NCKAP5: variants seen among roughly 807,000 people sequenced by gnomAD.
The protein encoded by NCKAP5 is NCK associated protein 5.
Under a neutral mutation model 167.0 loss-of-function variants are expected in NCKAP5, and 92 were observed. That is an observed-to-expected ratio of 0.55 (90% CI 0.47 to 0.66). NCKAP5 has a LOEUF of 0.66. Among genes scored for constraint, NCKAP5 ranks in the 30% least tolerant of loss-of-function variants. The probability of loss-of-function intolerance (pLI) is 0.00; values close to 1 mark genes in which losing one functional copy is unlikely to be tolerated. For missense variants in NCKAP5, 2,378 were observed against 2,315.0 expected, an observed-to-expected ratio of 1.03 and a Z score of -0.56; for synonymous variants, 891 against 877.4, an observed-to-expected ratio of 1.02 and a Z score of -0.27.
At chr2:132,763,025 T>C (rs1353026316) in intron 16 of NCKAP5, among the ~76,000 whole-genome samples, 1 of 152,240 alleles carries the variant, frequency 6.6e-6, no homozygotes, top group African/African-American at 2.4e-5. Flanking sequence ...ATTCTATTTA[T>C]CACAGCACAC....
chr2:133,319,166 C>T (rs1281802963), intron 3 of NCKAP5, among the ~76,000 whole-genome samples: 2 of 139,828 alleles, frequency 1.4e-5, no homozygotes, highest in African/African-American at 5.3e-5. Flanking sequence ...CGCCCCCTTC[C>T]ACCCCCTGCA....
intron 1 of NCKAP5, among the ~76,000 whole-genome samples, chr2:133,559,443 T>C (rs1688004021): frequency 6.6e-6 from 1 of 152,196 alleles, no homozygotes. Flanking sequence ...CTCAGCTTCC[T>C]GAGTAGCTGA....
chr2:133,663,033 G>A, the NCKAP5 span, among the ~76,000 whole-genome samples: 4 of 152,114 alleles, frequency 2.6e-5, no homozygotes, highest in South Asian at 6.2e-4. Context: ...TTGGGAGGCC[G>A]AGGCGGGTGG....
intron 8 of NCKAP5, among the ~76,000 whole-genome samples, chr2:132,926,001 A>C (rs1695853436): frequency 6.6e-6 from 1 of 152,176 alleles, no homozygotes. Context: ...TGTACATTGT[A>C]TCCATTATGT....
chr2:133,481,043 A>C (rs1235474916), intron 3 of NCKAP5, among the ~76,000 whole-genome samples: 1 of 152,168 alleles, frequency 6.6e-6, no homozygotes, highest in Non-Finnish European at 1.5e-5. Context: ...TTTCAAATAG[A>C]CCTATATCAT....
At chr2:132,738,861 G>A (rs1691767655) in intron 16 of NCKAP5, among the ~76,000 whole-genome samples, 1 of 151,818 alleles carries the variant, frequency 6.6e-6, no homozygotes, top group South Asian at 2.1e-4. Flanking sequence ...AATACAGTGA[G>A]ATCTCACACA....
chr2:132,874,992 G>C (rs527353569), intron 9 of NCKAP5, among the ~76,000 whole-genome samples: 261 of 152,168 alleles, frequency 1.7e-3, no homozygotes, highest in Non-Finnish European at 2.8e-3. Flanking sequence ...CTTCCACATG[G>C]GTCTGTGCTC....
chr2:133,239,566 C>A (rs774163410), intron 4 of NCKAP5, among the ~76,000 whole-genome samples: 3 of 152,076 alleles, frequency 2.0e-5, no homozygotes, highest in Non-Finnish European at 2.9e-5. Flanking sequence ...TTTGACTGTA[C>A]CAGCTAGATT....
intron 3 of NCKAP5, among the ~76,000 whole-genome samples, chr2:133,360,193 A>G (rs1463370776): frequency 6.6e-6 from 1 of 152,174 alleles, no homozygotes; most frequent in East Asian, 1.9e-4. Flanking sequence ...TTCCCAATTC[A>G]AGTAGGTAGA....
chr2:133,275,883 C>T (rs1332416793), intron 4 of NCKAP5, among the ~76,000 whole-genome samples: 1 of 151,754 alleles, frequency 6.6e-6, no homozygotes, highest in Non-Finnish European at 1.5e-5. Flanking sequence ...CACCAATAAA[C>T]AGTTGACCCT....
intron 5 of NCKAP5, among the ~76,000 whole-genome samples, chr2:133,175,031 G>A (rs1466199049): frequency 6.6e-6 from 1 of 152,184 alleles, no homozygotes; most frequent in African/African-American, 2.4e-5. Context: ...CCAACAGAAT[G>A]TGGTGTGATA....
intron 19 of NCKAP5, among the ~76,000 whole-genome samples, chr2:132,698,874 T>C (rs7595948): frequency 0.084 from 12,783 of 151,580 alleles, 1,681 homozygotes; most frequent in African/African-American, 0.28. Context: ...AAAGTGCAAA[T>C]TGTAAGGCCC....
intron 6 of NCKAP5, among the ~76,000 whole-genome samples, chr2:133,093,098 T>C (rs2081240950): frequency 1.3e-5 from 2 of 152,210 alleles, no homozygotes; most frequent in Admixed American, 6.5e-5. Context: ...AATTACATGC[T>C]GCATACAAAA....
intron 3 of NCKAP5, among the ~76,000 whole-genome samples, chr2:133,330,700 G>A (rs1042615379): frequency 2.6e-5 from 4 of 151,910 alleles, no homozygotes; most frequent in Non-Finnish European, 5.9e-5. Context: ...ATCAGCCTGG[G>A]CAACATAGCA....
chr2:133,066,878 C>T (rs1008031782), intron 6 of NCKAP5, among the ~76,000 whole-genome samples: 2 of 152,156 alleles, frequency 1.3e-5, no homozygotes, highest in South Asian at 2.1e-4. Context: ...TCCTCCAGAG[C>T]GATTATCTCA....
the NCKAP5 span, among the ~76,000 whole-genome samples, chr2:133,666,479 T>C: frequency 6.6e-6 from 1 of 151,978 alleles, no homozygotes; most frequent in African/African-American, 2.4e-5. Flanking sequence ...ATTACAGGTG[T>C]GAGCCACCGT....
At chr2:133,429,392 A>C (rs996718952) in intron 3 of NCKAP5, among the ~76,000 whole-genome samples, 5 of 151,868 alleles carry the variant, frequency 3.3e-5, no homozygotes, top group African/African-American at 1.2e-4. Context: ...GATTCTAATG[A>C]TCCTATCACC....
At chr2:133,338,565 G>T (rs951077621) in intron 3 of NCKAP5, among the ~76,000 whole-genome samples, 2 of 152,190 alleles carry the variant, frequency 1.3e-5, no homozygotes, top group Admixed American at 6.5e-5. Context: ...TGGTACATAA[G>T]AAGACAGGCA....
chr2:132,873,489 G>A (rs2148784977), intron 9 of NCKAP5, among the ~76,000 whole-genome samples: 1 of 152,306 alleles, frequency 6.6e-6, no homozygotes, highest in East Asian at 1.9e-4. Context: ...GTGTGTTTGT[G>A]TGTGTGTCCA....
Sources: allele counts gnomAD v4.1 joint callset (sites outside exome capture counted in the v4.1 genomes callset), GRCh38; gene constraint gnomAD v4.1.1; transcripts MANE v1.5; gene names NCBI Gene and HGNC (gene_info 2026-07-23, HGNC 2026-07-21).